NXN: variants seen among roughly 807,000 people sequenced by gnomAD.
NXN encodes the protein nucleoredoxin.
In NXN, 16 loss-of-function variants were observed where a neutral mutation model predicts 48.6. That is an observed-to-expected ratio of 0.33 (90% CI 0.22 to 0.50). NXN has a LOEUF of 0.50. NXN is among the 20% of genes least tolerant of loss of function. The pLI is 0.98. For synonymous variants in NXN, 281 were observed against 269.6 expected (o/e 1.04, Z -0.41); for missense variants, 492 against 605.5 (o/e 0.81, Z 1.97).
rs576377169 is a variant in NXN, at chr17:830,056, C to T, written c.361-3978G>A. 7.9e-5 allele frequency among the ~76,000 whole-genome samples: 12 copies of T among 152,298 alleles called. No individual in the cohort carries two copies. The highest frequency in any genetic ancestry group is 2.9e-4 in the African/African-American group (12 of 41,566). On this transcript the variant is annotated intron_variant, in intron 1 of 7. Coordinates refer to ENST00000336868, the MANE Select transcript of NXN (RefSeq NM_022463.5). This position sits in a 1 kb window ranked among gnomAD's most constrained non-coding sequence, Gnocchi z 4.2. The stretch of plus-strand genomic sequence containing the variant: ...CCTGAGGAATCACCACACTGTCCTC[C>T]ACAATGGTTGAACTAATTGACCCTC...
chr17:840,542 T>G (rs990760273), intron 1 of NXN, among the ~76,000 whole-genome samples: 1 of 152,138 alleles, frequency 6.6e-6, no homozygotes, highest in Admixed American at 6.5e-5. Context: ...GGTTTCACCA[T>G]GTTAGCCAGG....
At chr17:828,062 C>G (rs1036508133) in intron 1 of NXN, among the ~76,000 whole-genome samples, 2 of 152,090 alleles carry the variant, frequency 1.3e-5, no homozygotes, top group East Asian at 3.9e-4. Flanking sequence ...AAAACCAGCC[C>G]GGGACCTCAC....
chr17:890,602 C>T (rs889731063), intron 1 of NXN, among the ~76,000 whole-genome samples: 1 of 151,394 alleles, frequency 6.6e-6, no homozygotes, highest in East Asian at 1.9e-4. Flanking sequence ...AGGATGGTCT[C>T]GATCTCCTGA....
At chr17:911,136 C>A (rs2068631815) in intron 1 of NXN, 1 of 152,106 alleles carries the variant, frequency 6.6e-6, no homozygotes, top group African/African-American at 2.4e-5. Flanking sequence ...CTGCTCAAGG[C>A]ATATTTTTGT....
rs368535826 is a variant in NXN at position 810,251 on chromosome 17, C to CCG, written c.821-5005_821-5004insCG. Among the ~76,000 whole-genome samples the CCG allele has an allele frequency of 1.8e-4, 12 of 68,356 alleles. 1 individual carries two copies. Among genetic ancestry groups the CCG allele is most frequent in the African/African-American group, 6.3e-4 (11 of 17,508 alleles). 44.8% of individuals were successfully genotyped at this position (68,356 alleles called of 152,430 possible). ...TGTGAGTGGCGTGCACGTTACGAGT[C>CCG]TGTGAGTGGCGTGCACGTTACGAGT... On this transcript the variant is annotated intron_variant, in intron 5 of 7. Transcript: ENST00000336868.
Position 810,434 on chromosome 17 carries a change from C to T in NXN, c.821-5187G>A, listed in dbSNP as rs535465552. On this transcript the variant is annotated intron_variant, in intron 5 of 7. Coordinates refer to ENST00000336868, the MANE Select transcript of NXN (RefSeq NM_022463.5). Reference sequence around the variant, plus strand: ...CTATGTCTAGTTACGTTTTCTTTAACGGCAGCCTATTTAGCTCGTTAACAT... The same window carrying T: ...CTATGTCTAGTTACGTTTTCTTTAATGGCAGCCTATTTAGCTCGTTAACAT... 2.0e-5 allele frequency among the ~76,000 whole-genome samples: 3 copies of T among 152,262 alleles called. No homozygotes were observed. In the East Asian group the frequency reaches 5.8e-4, roughly 29 times the overall value.
rs187499643 is a variant in NXN, at chr17:830,755, G to A, written c.361-4677C>T. The stretch of plus-strand genomic sequence containing the variant: ...ATGGCTCACGCCTGTAATCCCAGCA[G>A]TTTGGGAGGCCAAGGTGGGCAGATC... On this transcript the variant is annotated intron_variant, in intron 1 of 7. Coordinates refer to ENST00000336868, the MANE Select transcript of NXN (RefSeq NM_022463.5). This position sits in a 1 kb window ranked among gnomAD's most constrained non-coding sequence, Gnocchi z 4.2. Among the ~76,000 whole-genome samples the A allele has an allele frequency of 3.1e-4, 47 of 152,238 alleles. No individual in the cohort carries two copies. Among genetic ancestry groups the A allele is most frequent in the African/African-American group, 1.1e-3 (46 of 41,538 alleles).
At position 919,673 on chromosome 17, in the gene NXN, A is replaced by C. The variant is rs1341910919; in HGVS notation, c.360+59646T>G. Among the ~76,000 whole-genome samples, 4 of 152,144 alleles carry C rather than the reference A, an allele frequency of 2.6e-5. No individual in the cohort carries two copies. The highest frequency in any genetic ancestry group is 5.9e-5 in the Non-Finnish European group (4 of 68,022). ...TGGTTCAAGGTGGGAGACAGAGACA[A>C]CACCAATCAGCCCTTACCAGGCAGT... On this transcript the variant is annotated intron_variant, in intron 1 of 7. Coordinates refer to ENST00000336868, the MANE Select transcript of NXN (RefSeq NM_022463.5). The surrounding 1 kb of genome is among the most constrained non-coding windows in gnomAD (Gnocchi z 5.1).
chr17:830,360 G>A lies in NXN; in HGVS notation c.361-4282C>T, dbSNP rs538111321. On this transcript the variant is annotated intron_variant, in intron 1 of 7. Transcript: ENST00000336868. The surrounding 1 kb of genome is among the most constrained non-coding windows in gnomAD (Gnocchi z 4.2). ...AAACAGGAAACTCATTTCAGACACC[G>A]AGAAGTAACAGAAAGAAAACAGGGC... 2.3e-4 allele frequency among the ~76,000 whole-genome samples: 35 copies of A among 152,266 alleles called. No individual in the cohort carries two copies. The highest frequency in any genetic ancestry group is 8.2e-4 in the African/African-American group (34 of 41,560).
intron 1 of NXN, among the ~76,000 whole-genome samples, chr17:966,311 T>C (rs1050811732): frequency 2.0e-5 from 3 of 148,622 alleles, no homozygotes; most frequent in Admixed American, 1.3e-4. Context: ...TGCTATTTGC[T>C]TTTTTTTTAG....
intron 6 of NXN, 50 bp from the exon 7 acceptor site, chr17:803,856 T>C (rs1911337790): frequency 1.2e-6 from 2 of 1,609,164 alleles, no homozygotes; most frequent in South Asian, 1.1e-5. Flanking sequence ...AGCACTGGCT[T>C]GTCAAACAGA....
chr17:929,944 C>A (rs7223902), intron 1 of NXN: 14,545 of 143,754 alleles, frequency 0.1, 865 homozygotes, highest in Middle Eastern at 0.18. Context: ...GGTAACACAT[C>A]TAACTGGTAT....
At chr17:880,592 T>C (rs906475626) in intron 1 of NXN, among the ~76,000 whole-genome samples, 2 of 152,110 alleles carry the variant, frequency 1.3e-5, no homozygotes, top group African/African-American at 4.8e-5. Context: ...AAAATAAGTG[T>C]TTATTTTTCT....
intron 1 of NXN, among the ~76,000 whole-genome samples, chr17:843,135 T>A (rs1211930697): frequency 6.6e-6 from 1 of 152,208 alleles, no homozygotes; most frequent in East Asian, 1.9e-4. Flanking sequence ...GTTAAAATAA[T>A]GGCCACGAAT....
At chr17:900,195 G>T (rs1170871815) in intron 1 of NXN, among the ~76,000 whole-genome samples, 2 of 152,158 alleles carry the variant, frequency 1.3e-5, no homozygotes, top group East Asian at 1.9e-4. Context: ...AACCCGGGGG[G>T]GCAGAGGTTG....
chr17:810,539 G>C (rs975935248), intron 5 of NXN, among the ~76,000 whole-genome samples: 1 of 152,086 alleles, frequency 6.6e-6, no homozygotes, highest in African/African-American at 2.4e-5. Flanking sequence ...TCTGTTCCTC[G>C]GATCCTTCCG....
rs948174844 is a variant in NXN at position 961,334 on chromosome 17, G to A, written c.360+17985C>T. On this transcript the variant is annotated intron_variant, in intron 1 of 7. Transcript: ENST00000336868. Reference sequence around the variant, plus strand: ...CGGGAGGCAGAGGTTGCAGTGAGCCGAGATCATGCCATTGCACTCCAGCCT... The same window carrying A: ...CGGGAGGCAGAGGTTGCAGTGAGCCAAGATCATGCCATTGCACTCCAGCCT... 9.9e-5 allele frequency among the ~76,000 whole-genome samples: 15 copies of A among 151,710 alleles called. No homozygotes were observed. In the South Asian group the frequency reaches 1.0e-3, roughly 11 times the overall value.
intron 1 of NXN, among the ~76,000 whole-genome samples, chr17:827,130 G>C (rs1913148977): frequency 6.6e-6 from 1 of 152,194 alleles, no homozygotes; most frequent in African/African-American, 2.4e-5. Context: ...GATCACCTGA[G>C]GTCAGGAGTT....
At chr17:835,018 G>T (rs899651153) in intron 1 of NXN, among the ~76,000 whole-genome samples, 1 of 151,260 alleles carries the variant, frequency 6.6e-6, no homozygotes, top group African/African-American at 2.4e-5. Context: ...AACAGAAAAC[G>T]TCACAGCAGG....
Sources: gnomAD v4.1 joint callset for allele counts (sites outside exome capture counted in the v4.1 genomes callset) on GRCh38, gnomAD v4.1.1 for gene constraint, Gnocchi (gnomAD v3.1) non-coding constraint, MANE v1.5 for transcripts, NCBI Gene and HGNC (gene_info 2026-07-23, HGNC 2026-07-21) for gene names.